PTPRM: variants seen among roughly 807,000 people sequenced by gnomAD.
PTPRM encodes receptor-type tyrosine-protein phosphatase mu.
In PTPRM, 47 loss-of-function variants were observed where a neutral mutation model predicts 186.7. That is an observed-to-expected ratio of 0.25 (90% CI 0.20 to 0.32). PTPRM has a LOEUF of 0.32. Among genes scored for constraint, PTPRM ranks in the 10% least tolerant of loss-of-function variants. The pLI is 1.00. For missense variants in PTPRM, 1,494 were observed against 1,865.0 expected (o/e 0.80, Z 3.66); for synonymous variants, 668 against 674.9 (o/e 0.99, Z 0.16).
intron 1 of PTPRM, among the ~76,000 whole-genome samples, chr18:7,705,346 GCTAGCTAT>G (rs1241966102): frequency 1.3e-5 from 2 of 150,344 alleles, no homozygotes; most frequent in Admixed American, 6.6e-5. Context: ...TAGCTAGCTA[GCTAGCTAT>G]CTTTCTGTCT....
intron 2 of PTPRM, among the ~76,000 whole-genome samples, chr18:7,800,423 G>A (rs2043897550): frequency 6.6e-6 from 1 of 152,172 alleles, no homozygotes; most frequent in Non-Finnish European, 1.5e-5. Context: ...CTACTCTAAA[G>A]GGAGTGGCTG....
At chr18:7,588,107 A>T (rs964381252) in intron 1 of PTPRM, among the ~76,000 whole-genome samples, 3 of 152,160 alleles carry the variant, frequency 2.0e-5, no homozygotes, top group African/African-American at 7.2e-5. Context: ...TATAATGGAC[A>T]CCTAAAATTA....
chr18:8,189,171 C>A (rs1305708563), intron 14 of PTPRM, among the ~76,000 whole-genome samples: 3 of 151,756 alleles, frequency 2.0e-5, no homozygotes, highest in Non-Finnish European at 4.4e-5. Flanking sequence ...GTGGTGTGCA[C>A]CTGTGGTCCC....
chr18:8,041,768 G>T (rs9966452), intron 7 of PTPRM, among the ~76,000 whole-genome samples: 8,768 of 152,184 alleles, frequency 0.058, 843 homozygotes, highest in African/African-American at 0.2. Context: ...CTGCCACAAG[G>T]GTGAAGTGAA....
chr18:7,739,080 A>G (rs978949177), intron 1 of PTPRM, among the ~76,000 whole-genome samples: 3 of 152,140 alleles, frequency 2.0e-5, no homozygotes, highest in Admixed American at 6.5e-5. Context: ...GCACATCACA[A>G]TCTGATCGAG....
At chr18:8,228,375 A>G (rs1029244459) in intron 14 of PTPRM, among the ~76,000 whole-genome samples, 1 of 152,198 alleles carries the variant, frequency 6.6e-6, no homozygotes, top group Non-Finnish European at 1.5e-5. Flanking sequence ...AGCCAGATAT[A>G]TAATGAGAGA....
At chr18:7,891,232 G>A (rs1259261434) in intron 3 of PTPRM, among the ~76,000 whole-genome samples, 17 of 152,070 alleles carry the variant, frequency 1.1e-4, no homozygotes, top group Admixed American at 1.1e-3. Context: ...GCTTCAGTGA[G>A]CCGTGGTCAT....
At chr18:8,026,682 C>A (rs1006956798) in intron 7 of PTPRM, among the ~76,000 whole-genome samples, 6 of 152,060 alleles carry the variant, frequency 3.9e-5, no homozygotes, top group African/African-American at 1.4e-4. Context: ...CATGGTGAAA[C>A]CCCATCTCTA....
intron 7 of PTPRM, among the ~76,000 whole-genome samples, chr18:7,986,575 G>T (rs1467395724): frequency 1.3e-5 from 2 of 152,218 alleles, no homozygotes; most frequent in Non-Finnish European, 2.9e-5. Context: ...AGGTGTCATG[G>T]TCTGTGAGAG....
At chr18:8,349,220 G>A (rs536185486) in intron 23 of PTPRM, among the ~76,000 whole-genome samples, 1 of 152,158 alleles carries the variant, frequency 6.6e-6, no homozygotes, top group Non-Finnish European at 1.5e-5. Flanking sequence ...GCAAGAGAGA[G>A]GCAAGGTTGC....
intron 13 of PTPRM, among the ~76,000 whole-genome samples, chr18:8,117,067 G>A (rs897795969): frequency 3.3e-5 from 5 of 152,132 alleles, no homozygotes; most frequent in East Asian, 1.9e-4. Context: ...CTACATGGAC[G>A]GATTCATCAA....
At chr18:8,205,353 C>T (rs2093913609) in intron 14 of PTPRM, among the ~76,000 whole-genome samples, 2 of 152,110 alleles carry the variant, frequency 1.3e-5, no homozygotes, top group African/African-American at 4.8e-5. Context: ...TCCCTACATA[C>T]AGGTATAGCC....
At chr18:7,569,574 T>C (rs923240090) in intron 1 of PTPRM, among the ~76,000 whole-genome samples, 2 of 152,242 alleles carry the variant, frequency 1.3e-5, no homozygotes, top group African/African-American at 4.8e-5. Flanking sequence ...TTAACATCCA[T>C]GACTCCCTTC....
At chr18:7,778,604 C>T (rs936868866) in intron 2 of PTPRM, among the ~76,000 whole-genome samples, 5 of 152,024 alleles carry the variant, frequency 3.3e-5, no homozygotes, top group African/African-American at 4.8e-5. Flanking sequence ...CTCAGCCTCC[C>T]GAGTAGCTGG....
intron 14 of PTPRM, among the ~76,000 whole-genome samples, chr18:8,171,577 T>C (rs774357402): frequency 1.4e-4 from 21 of 152,198 alleles, no homozygotes; most frequent in Admixed American, 5.9e-4. Flanking sequence ...TAAATGTGTT[T>C]GTTTCTATGT....
intron 1 of PTPRM, among the ~76,000 whole-genome samples, chr18:7,738,610 T>G (rs1432386649): frequency 6.6e-6 from 1 of 151,214 alleles, no homozygotes; most frequent in Non-Finnish European, 1.5e-5. Context: ...TATTTTTTTT[T>G]TTTTGTATTT....
At chr18:7,744,014 C>G (rs1486093497) in intron 1 of PTPRM, among the ~76,000 whole-genome samples, 1 of 152,106 alleles carries the variant, frequency 6.6e-6, no homozygotes, top group Admixed American at 6.5e-5. Context: ...AAGCATCACA[C>G]GTGGATTTAT....
At chr18:8,354,187 T>C (rs1217702470) in intron 23 of PTPRM, among the ~76,000 whole-genome samples, 1 of 147,336 alleles carries the variant, frequency 6.8e-6, no homozygotes, top group Non-Finnish European at 1.5e-5. Flanking sequence ...CACTCCAGCC[T>C]GGGTGACAGA....
intron 7 of PTPRM, among the ~76,000 whole-genome samples, chr18:8,016,404 C>T (rs2084861954): frequency 1.3e-5 from 2 of 151,786 alleles, no homozygotes; most frequent in African/African-American, 4.8e-5. Flanking sequence ...CCTGTAATCC[C>T]AGCTACTCGG....
Sources: gnomAD v4.1 joint callset for allele counts (sites outside exome capture counted in the v4.1 genomes callset) on GRCh38, gnomAD v4.1.1 for gene constraint, MANE v1.5 for transcripts, NCBI Gene and HGNC (gene_info 2026-07-23, HGNC 2026-07-21) for gene names.